Variants in DYM observed in about 807,000 individuals in gnomAD.
DYM encodes the protein dymeclin, also known as dyggve-Melchior-Clausen syndrome protein.
Under a neutral mutation model 93.1 loss-of-function variants are expected in DYM, and 78 were observed. That is an observed-to-expected ratio of 0.84 (90% CI 0.70 to 1.01). The LOEUF is 1.01. Among genes scored for constraint, DYM ranks in the 50% least tolerant of loss-of-function variants. DYM has a pLI of 0.00. For missense variants in DYM, 789 were observed against 845.0 expected, an observed-to-expected ratio of 0.93 and a Z score of 0.82; for synonymous variants, 321 against 319.7, an observed-to-expected ratio of 1.00 and a Z score of -0.04.
chr18:49,424,541 G>A (rs2074066597), intron 2 of DYM, among the ~76,000 whole-genome samples: 1 of 151,816 alleles, frequency 6.6e-6, no homozygotes, highest in South Asian at 2.1e-4. Flanking sequence ...TGGAAGTTCT[G>A]GCCAGGGCAA....
chr18:49,420,165 GT>G (rs58141815), intron 2 of DYM, among the ~76,000 whole-genome samples: 56,606 of 108,564 alleles, frequency 0.52, 11,902 homozygotes, highest in African/African-American at 0.57. Flanking sequence ...GTTAAAATTC[GT>G]TTTTTTTTTT....
intron 15 of DYM, among the ~76,000 whole-genome samples, chr18:49,125,989 T>G (rs2082782874): frequency 6.6e-6 from 1 of 152,242 alleles, no homozygotes; most frequent in South Asian, 2.1e-4. Flanking sequence ...TTATTTGCAC[T>G]TTGCTAGATG....
chr18:49,409,402 A>G (rs2071941718), intron 2 of DYM, among the ~76,000 whole-genome samples: 1 of 152,224 alleles, frequency 6.6e-6, no homozygotes, highest in Non-Finnish European at 1.5e-5. Context: ...TTAAGCAGAA[A>G]ATGCTTCCAA....
chr18:49,281,711 C>A (rs565487295), intron 10 of DYM, among the ~76,000 whole-genome samples: 2 of 152,122 alleles, frequency 1.3e-5, no homozygotes, highest in Admixed American at 6.6e-5. Flanking sequence ...GGACAAAAAA[C>A]CAGACACTGC....
intron 5 of DYM, among the ~76,000 whole-genome samples, chr18:49,372,904 G>A (rs2067179354): frequency 6.6e-6 from 1 of 152,014 alleles, no homozygotes; most frequent in African/African-American, 2.4e-5. Flanking sequence ...CTTTCAGTGA[G>A]ATAACCATCT....
chr18:49,446,207 AG>A (rs1212835830), intron 1 of DYM, among the ~76,000 whole-genome samples: 1 of 150,014 alleles, frequency 6.7e-6, no homozygotes, highest in Non-Finnish European at 1.5e-5. Context: ...GGACCATTTG[AG>A]GCTAGGAGTT....
At chr18:49,403,839 T>C (rs1042878576) in intron 2 of DYM, among the ~76,000 whole-genome samples, 1 of 152,122 alleles carries the variant, frequency 6.6e-6, no homozygotes, top group South Asian at 2.1e-4. Context: ...CATGCAGTAT[T>C]TGGTTTTCTG....
chr18:49,175,236 T>A (rs890047554), intron 14 of DYM, among the ~76,000 whole-genome samples: 2 of 152,222 alleles, frequency 1.3e-5, no homozygotes, highest in African/African-American at 4.8e-5. Flanking sequence ...GTCTAAAATA[T>A]GCTTACTACT....
chr18:49,399,094 C>T (rs1357470670), intron 2 of DYM, among the ~76,000 whole-genome samples: 2 of 152,046 alleles, frequency 1.3e-5, no homozygotes, highest in Non-Finnish European at 2.9e-5. Flanking sequence ...TGCTAGGCTT[C>T]GTGAAAGATG....
At chr18:49,214,746 C>T (rs2146217624) in intron 13 of DYM, among the ~76,000 whole-genome samples, 1 of 152,280 alleles carries the variant, frequency 6.6e-6, no homozygotes, top group Non-Finnish European at 1.5e-5. Context: ...ACATTATGAG[C>T]TAATTACATT....
chr18:49,249,564 T>A (rs2094242930), intron 13 of DYM, among the ~76,000 whole-genome samples: 1 of 152,178 alleles, frequency 6.6e-6, no homozygotes, highest in Non-Finnish European at 1.5e-5. Flanking sequence ...CAAATTGTCT[T>A]TCTTTCTTTA....
chr18:49,096,813 C>G (rs1303681451), intron 17 of DYM, among the ~76,000 whole-genome samples: 1 of 152,214 alleles, frequency 6.6e-6, no homozygotes, highest in Non-Finnish European at 1.5e-5. Flanking sequence ...CCCAGGCACA[C>G]AGTAAACAGT....
In DYM at chr18:49,331,964, G is replaced by A. The variant is rs772563863; in HGVS notation, c.663C>T (p.Asn221=). 3.1e-6 allele frequency: 5 copies of A among 1,613,746 alleles called. No homozygotes were observed. The highest frequency in any genetic ancestry group is 1.3e-5 in the African/African-American group (1 of 74,850). The change falls in exon 8 of 18, where the codon AAC becomes AAT. Residue 221 remains asparagine (N), a synonymous_variant. Coordinates refer to ENST00000675505, the MANE Select transcript of DYM (RefSeq NM_001353214.3). ...TSKLVKTLLY[N]FIRQEKPPPP... ...GAGGTGGCTTTTCTTGTCTGATAAA[G>A]TTATATAATAAGGTCTTCACAAGTT... is the stretch of plus-strand genomic sequence containing the variant.
rs570797131 is a variant in DYM at position 49,233,411 on chromosome 18, A to C, written c.1460+23599T>G. 2.4e-4 allele frequency among the ~76,000 whole-genome samples: 36 copies of C among 150,560 alleles called. 1 individual carries two copies. The East Asian group carries it at 7.3e-3, about 30-fold the overall frequency. On this transcript the variant is annotated intron_variant, in intron 13 of 17. Coordinates refer to ENST00000675505, the MANE Select transcript of DYM (RefSeq NM_001353214.3). The stretch of plus-strand genomic sequence containing the variant: ...TCGCAGAACAGTCAGATGAAAAAAA[A>C]AGCATCCATTTTTTCAGTCAGATGA...
intron 5 of DYM, among the ~76,000 whole-genome samples, chr18:49,370,079 C>A (rs1351120677): frequency 1.3e-5 from 2 of 152,084 alleles, no homozygotes; most frequent in Non-Finnish European, 2.9e-5. Context: ...GAGTTCAAGA[C>A]CAGCCTGGCC....
In DYM at chr18:49,135,911, G is replaced by C. The variant is rs112892785; in HGVS notation, c.1729-16985C>G. On this transcript the variant is annotated intron_variant, in intron 15 of 17. Transcript: ENST00000675505. ...ACCCTGACTGGAGACAGCCTGCTTT[G>C]AAACCTCACTGCATTATAACTATAG... Among the ~76,000 whole-genome samples, 1,425 of 152,346 alleles carry C rather than the reference G, an allele frequency of 9.4e-3. 25 individuals carry two copies. Among genetic ancestry groups the C allele is most frequent in the African/African-American group, 0.029 (1,214 of 41,578 alleles).
chr18:49,343,578 A>C (rs1450866643), intron 6 of DYM, among the ~76,000 whole-genome samples: 1 of 152,220 alleles, frequency 6.6e-6, no homozygotes, highest in Non-Finnish European at 1.5e-5. Flanking sequence ...ACTCGCAACT[A>C]GAATTTATAT....
intron 17 of DYM, among the ~76,000 whole-genome samples, chr18:49,087,185 T>C (rs544530606): frequency 6.6e-6 from 1 of 152,270 alleles, no homozygotes; most frequent in African/African-American, 2.4e-5. Flanking sequence ...CAAATTTCTG[T>C]TATTTACACA....
chr18:49,320,424 T>G (rs2062377967), intron 8 of DYM, among the ~76,000 whole-genome samples: 1 of 152,240 alleles, frequency 6.6e-6, no homozygotes, highest in African/African-American at 2.4e-5. Context: ...CTTATTTTAT[T>G]AATGTATGTC....
Sources: allele counts gnomAD v4.1 joint callset (sites outside exome capture counted in the v4.1 genomes callset), GRCh38; gene constraint gnomAD v4.1.1; transcripts MANE v1.5; gene names NCBI Gene and HGNC (gene_info 2026-07-23, HGNC 2026-07-21).